KCNH7: variants seen among roughly 807,000 people sequenced by gnomAD.
KCNH7 encodes the protein voltage-gated inwardly rectifying potassium channel KCNH7.
A neutral mutation model predicts 120.8 loss-of-function variants in KCNH7; 49 were observed. That is an observed-to-expected ratio of 0.41 (90% CI 0.32 to 0.51). KCNH7 has a LOEUF of 0.51. Among genes scored for constraint, KCNH7 ranks in the 20% least tolerant of loss-of-function variants. KCNH7 has a pLI of 0.38. For missense variants in KCNH7, 1,097 were observed against 1,446.6 expected, an observed-to-expected ratio of 0.76 and a Z score of 3.92; for synonymous variants, 547 against 516.1, an observed-to-expected ratio of 1.06 and a Z score of -0.81.
At chr2:162,476,202 T>A (rs1014176772) in intron 6 of KCNH7, among the ~76,000 whole-genome samples, 1 of 152,230 alleles carries the variant, frequency 6.6e-6, no homozygotes, top group African/African-American at 2.4e-5. Context: ...TGAAACTTGC[T>A]GAAATAATGC....
chr2:162,503,033 G>A (rs546553253), intron 6 of KCNH7, among the ~76,000 whole-genome samples: 1 of 152,044 alleles, frequency 6.6e-6, no homozygotes, highest in Non-Finnish European at 1.5e-5. Context: ...TTCATTAATT[G>A]GTCAAGCATT....
rs758684687 is a variant in KCNH7 at position 162,446,036 on chromosome 2, A to C, written c.1536T>G (p.Phe512Leu). 1 of 1,613,010 alleles carries C rather than the reference A, an allele frequency of 6.2e-7. No individual in the cohort carries two copies. The highest frequency in any genetic ancestry group is 1.7e-5 in the Admixed American group (1 of 59,936). ...TTCTTACCTCATCAGAACCTGATCC[A>C]AAAATCAGCAAGTCAAAAGGAATTG... is the stretch of plus-strand genomic sequence containing the variant. ...VAAIPFDLLI[F>L]GSGSDETTTL... The change falls in exon 7 of 16, where the codon TTT becomes TTG. Residue 512 changes from phenylalanine (F) to leucine (L), a missense_variant. By Grantham distance (22) the Phe-to-Leu change is conservative. This residue lies in a region of KCNH7 where 109 missense variants were observed against 196.8 expected (regional missense o/e 0.55). Transcript: ENST00000332142.
intron 2 of KCNH7, among the ~76,000 whole-genome samples, chr2:162,688,067 G>A (rs1448689787): frequency 1.3e-5 from 2 of 152,128 alleles, no homozygotes; most frequent in Non-Finnish European, 2.9e-5. Context: ...GAGGCATGTA[G>A]ATTTAACCAG....
chr2:162,455,532 C>A (rs2105586646), intron 6 of KCNH7, among the ~76,000 whole-genome samples: 1 of 152,182 alleles, frequency 6.6e-6, no homozygotes, highest in Admixed American at 6.5e-5. Context: ...CTCTTTGTAC[C>A]TCTGGTAGAA....
intron 2 of KCNH7, among the ~76,000 whole-genome samples, chr2:162,707,281 A>C (rs1039625235): frequency 1.3e-5 from 2 of 152,142 alleles, no homozygotes; most frequent in African/African-American, 4.8e-5. Flanking sequence ...AAATTTTAAT[A>C]AAAGGTAAAA....
chr2:162,539,207 T>A (rs1353072327), intron 2 of KCNH7, among the ~76,000 whole-genome samples: 1 of 152,092 alleles, frequency 6.6e-6, no homozygotes, highest in Non-Finnish European at 1.5e-5. Flanking sequence ...AGGCCAGGCA[T>A]CACAGCACAC....
intron 6 of KCNH7, among the ~76,000 whole-genome samples, chr2:162,475,735 C>G (rs1267401683): frequency 6.6e-6 from 1 of 152,090 alleles, no homozygotes; most frequent in African/African-American, 2.4e-5. Context: ...TCCTTGAAGG[C>G]CCCCACCCAC....
intron 2 of KCNH7, among the ~76,000 whole-genome samples, chr2:162,584,775 T>C (rs566881527): frequency 1.3e-5 from 2 of 151,932 alleles, no homozygotes; most frequent in Middle Eastern, 3.4e-3. Context: ...TTAAACTTAC[T>C]CCATGTAGAA....
intron 2 of KCNH7, among the ~76,000 whole-genome samples, chr2:162,792,667 AT>A (rs199661579): frequency 0.017 from 2,362 of 142,752 alleles, 56 homozygotes; most frequent in African/African-American, 0.052. Flanking sequence ...GTTTATTTGA[AT>A]CTTCTCTCTT....
intron 4 of KCNH7, among the ~76,000 whole-genome samples, chr2:162,516,216 A>G (rs978147037): frequency 2.0e-5 from 3 of 151,784 alleles, no homozygotes; most frequent in African/African-American, 7.2e-5. Context: ...GCTTGCTTAC[A>G]TATCTGACAA....
chr2:162,470,341 C>G lies in KCNH7; in HGVS notation c.1129-23898G>C, dbSNP rs184680247. Reference sequence around the variant, plus strand: ...AGTGCCCTGTCTGGGATGTGAGGAGCGCCTCTGCCCGGCCGCGACCCTGTC... The same window carrying G: ...AGTGCCCTGTCTGGGATGTGAGGAGGGCCTCTGCCCGGCCGCGACCCTGTC... On this transcript the variant is annotated intron_variant, in intron 6 of 15. Coordinates refer to ENST00000332142, the MANE Select transcript of KCNH7 (RefSeq NM_033272.4). Among the ~76,000 whole-genome samples, 206 of 149,986 alleles carry G rather than the reference C, an allele frequency of 1.4e-3. 1 individual carries two copies. In the Middle Eastern group the frequency reaches 0.017, roughly 13 times the overall value.
chr2:162,690,108 C>G (rs1191598685), intron 2 of KCNH7, among the ~76,000 whole-genome samples: 1 of 152,132 alleles, frequency 6.6e-6, no homozygotes, highest in Admixed American at 6.6e-5. Context: ...AGGCTATTAT[C>G]CTTAGCAAAC....
chr2:162,640,261 T>A (rs1415133575), intron 2 of KCNH7, among the ~76,000 whole-genome samples: 2 of 152,102 alleles, frequency 1.3e-5, no homozygotes, highest in Non-Finnish European at 2.9e-5. Context: ...TTGAAAGAGA[T>A]TAAAATGGAA....
chr2:162,663,987 A>G (rs998760091), intron 2 of KCNH7, among the ~76,000 whole-genome samples: 1 of 152,072 alleles, frequency 6.6e-6, no homozygotes, highest in Non-Finnish European at 1.5e-5. Flanking sequence ...ACTCATTTCT[A>G]CCAACTCAAC....
chr2:162,591,529 G>A (rs1291358787), intron 2 of KCNH7, among the ~76,000 whole-genome samples: 13 of 151,984 alleles, frequency 8.6e-5, no homozygotes, highest in South Asian at 2.1e-4. Context: ...CCATGCAAGG[G>A]ATAAGATAAA....
intron 2 of KCNH7, among the ~76,000 whole-genome samples, chr2:162,637,118 C>T (rs566190580): frequency 2.0e-5 from 3 of 152,072 alleles, no homozygotes; most frequent in Admixed American, 1.3e-4. Flanking sequence ...TGCCTTCTTG[C>T]ACCTCTTTTT....
At chr2:162,508,656 A>G (rs1690964560) in intron 5 of KCNH7, among the ~76,000 whole-genome samples, 1 of 151,398 alleles carries the variant, frequency 6.6e-6, no homozygotes, top group Admixed American at 6.6e-5. Flanking sequence ...TATTTCACCG[A>G]TTGTAAACCT....
At chr2:162,527,418 A>G (rs1691748115) in intron 3 of KCNH7, among the ~76,000 whole-genome samples, 1 of 152,020 alleles carries the variant, frequency 6.6e-6, no homozygotes, top group Non-Finnish European at 1.5e-5. Flanking sequence ...GAGAATAGTA[A>G]AAACACTGTA....
Position 162,372,932 on chromosome 2 carries a change from T to A in KCNH7, c.3324+538A>T, listed in dbSNP as rs567152242. ...CATGTTTATCATCCAAGTAAAAAAA[T>A]TTAGAGATCTCTGGTGATGGGTGGG... On this transcript the variant is annotated intron_variant, in intron 15 of 15. Coordinates refer to ENST00000332142, the MANE Select transcript of KCNH7 (RefSeq NM_033272.4). 3.9e-5 allele frequency among the ~76,000 whole-genome samples: 6 copies of A among 152,182 alleles called. No homozygotes were observed. The South Asian group carries it at 1.0e-3, about 26-fold the overall frequency.
Sources: gnomAD v4.1 joint callset for allele counts (sites outside exome capture counted in the v4.1 genomes callset) on GRCh38, gnomAD v4.1.1 for gene constraint, gnomAD v4.1.1 regional missense constraint, MANE v1.5 for transcripts, NCBI Gene and HGNC (gene_info 2026-07-23, HGNC 2026-07-21) for gene names.